Variants in TICAM1 observed in about 807,000 individuals in gnomAD.
TICAM1 encodes TIR domain containing adaptor molecule 1.
For missense variants in TICAM1, 895 were observed against 938.2 expected (o/e 0.95, Z 0.60); for synonymous variants, 439 against 415.4 (o/e 1.06, Z -0.69).
chr19:4,828,012 G>A (rs1348506277), intron 1 of TICAM1, among the ~76,000 whole-genome samples: 2 of 152,110 alleles, frequency 1.3e-5, no homozygotes, highest in African/African-American at 4.8e-5. Context: ...GGGCATAGAT[G>A]ATAAAGTGTG....
At chr19:4,826,225 C>A (rs933376643) in intron 1 of TICAM1, among the ~76,000 whole-genome samples, 2 of 151,538 alleles carry the variant, frequency 1.3e-5, no homozygotes, top group Admixed American at 1.3e-4. Flanking sequence ...TATATTGGAC[C>A]ATGTTGGGTA....
In TICAM1 at chr19:4,818,416, AGGT is replaced by A. The variant is rs749384257; in HGVS notation, c.-42_-40del. 1.4e-5 allele frequency: 22 copies of A among 1,537,520 alleles called. No individual in the cohort carries two copies. Among genetic ancestry groups the A allele is most frequent in the Middle Eastern group, 1.8e-4 (1 of 5,676 alleles). ...TGCAGCCTCCGGCAGCAGAAGCTGG[AGGT>A]GGTGAAGGCATGTTCCACACTGCCC... is the stretch of plus-strand genomic sequence containing the variant. On this transcript the variant is annotated 5_prime_UTR_variant, in exon 2 of 2. Transcript: ENST00000248244. This position sits in a 1 kb window ranked among gnomAD's most constrained non-coding sequence, Gnocchi z 4.0.
Position 4,817,604 on chromosome 19 carries a change from C to A in TICAM1, c.774G>T (p.Ser258=). 2 of 1,601,030 alleles carry A rather than the reference C, an allele frequency of 1.2e-6. No individual in the cohort carries two copies. The highest frequency in any genetic ancestry group is 1.3e-5 in the African/African-American group (1 of 74,806). The part of the protein sequence containing the change: ...QEPEEMSWPP[S]GEIASPPELP... ...GCTCTGGTGGGCTGGCAATCTCCCC[C>A]GATGGCGGCCAGCTCATCTCCTCAG... The change falls in exon 2 of 2, where the codon TCG becomes TCT. Residue 258 remains serine, a synonymous_variant. Transcript: ENST00000248244. The surrounding 1 kb of genome is among the most constrained non-coding windows in gnomAD (Gnocchi z 4.7).
chr19:4,817,174 C>T lies in TICAM1; in HGVS notation c.1204G>A (p.Ala402Thr), dbSNP rs781665133. ...QKFYNFVILHARADEHIALRV... is the reference protein window; with the variant it reads ...QKFYNFVILHTRADEHIALRV... Reference sequence around the variant, plus strand: ...AGGGCGATGTGTTCGTCTGCCCTGGCGTGGAGGATCACAAAGTTATAGAAT... The same window carrying T: ...AGGGCGATGTGTTCGTCTGCCCTGGTGTGGAGGATCACAAAGTTATAGAAT... The change falls in exon 2 of 2, where the codon GCC becomes ACC. Residue 402 changes from alanine to threonine, a missense_variant. Physicochemically the swap from Ala to Thr is moderately conservative, Grantham distance 58. Coordinates refer to ENST00000248244, the MANE Select transcript of TICAM1 (RefSeq NM_182919.4). The surrounding 1 kb of genome is among the most constrained non-coding windows in gnomAD (Gnocchi z 4.7). 3.7e-6 allele frequency: 6 copies of T among 1,613,944 alleles called. No individual in the cohort carries two copies. The highest frequency in any genetic ancestry group is 2.7e-5 in the African/African-American group (2 of 74,886).
intron 1 of TICAM1, among the ~76,000 whole-genome samples, chr19:4,825,137 G>A (rs149456017): frequency 0.013 from 1,918 of 151,732 alleles, 44 homozygotes; most frequent in African/African-American, 0.043. Context: ...AAAATTAGCC[G>A]GGTGTGGCAG....
At chr19:4,824,948 T>C (rs2093603323) in intron 1 of TICAM1, among the ~76,000 whole-genome samples, 1 of 146,860 alleles carries the variant, frequency 6.8e-6, no homozygotes, top group Non-Finnish European at 1.5e-5. Context: ...AAAAATAAAA[T>C]AAAATAACAG....
Position 4,818,475 on chromosome 19 carries a change from C to T in TICAM1, c.-98G>A. ...CTTCTGCACGCCCAGTGTCCCCTAC[C>T]CATTCACTGTTCCAGGTTCTGCAGG... On this transcript the variant is annotated 5_prime_UTR_variant, in exon 2 of 2. Coordinates refer to ENST00000248244, the MANE Select transcript of TICAM1 (RefSeq NM_182919.4). This position sits in a 1 kb window ranked among gnomAD's most constrained non-coding sequence, Gnocchi z 4.0. The T allele has an allele frequency of 6.9e-7, 1 of 1,454,742 alleles. No homozygotes were observed. The allele number at this position is 1,454,742 out of a possible 1,614,324, so 90.1% of individuals were successfully genotyped here. A position where few individuals can be genotyped will look rare whatever the true frequency, so the allele number is the denominator to read the frequency against.
chr19:4,825,078 G>A (rs943654459), intron 1 of TICAM1, among the ~76,000 whole-genome samples: 5 of 152,000 alleles, frequency 3.3e-5, no homozygotes, highest in Non-Finnish European at 2.9e-5. Context: ...TCAGGAGTTC[G>A]AGACCAGCCT....
In TICAM1 at chr19:4,816,148, A is replaced by C. The variant is rs8120; in HGVS notation, c.*91T>G. On this transcript the variant is annotated 3_prime_UTR_variant, in exon 2 of 2. Transcript: ENST00000248244. The surrounding 1 kb of genome is among the most constrained non-coding windows in gnomAD (Gnocchi z 4.3). ...GATGACCTCATCTTCCACTGTCCAC[A>C]GGGCACAGGGCAGACCGGGGTGCTC... 351,024 of 1,388,318 alleles carry C rather than the reference A, an allele frequency of 0.25. 45,987 individuals are homozygous for C. Among genetic ancestry groups the C allele is most frequent in the East Asian group, 0.46 (17,986 of 39,208 alleles). The allele number at this position is 1,388,318 out of a possible 1,614,324, so 86.0% of individuals were successfully genotyped here.
chr19:4,823,762 A>G (rs2093601553), intron 1 of TICAM1, among the ~76,000 whole-genome samples: 1 of 152,192 alleles, frequency 6.6e-6, no homozygotes, highest in African/African-American at 2.4e-5. Flanking sequence ...AGAGGGAACC[A>G]ACCCTACAAC....
At chr19:4,822,081 G>A (rs10402848) in intron 1 of TICAM1, among the ~76,000 whole-genome samples, 103,476 of 149,516 alleles carry the variant, frequency 0.69, 35,957 homozygotes, top group African/African-American at 0.82. Context: ...GATTACAGGC[G>A]TGCGCCACCA....
rs2093585957 is a variant in TICAM1 at position 4,816,661 on chromosome 19, A to G, written c.1717T>C (p.Tyr573His). 1 of 1,614,144 alleles carries G rather than the reference A, an allele frequency of 6.2e-7. No homozygotes were observed. The highest frequency in any genetic ancestry group is 2.2e-5 in the East Asian group (1 of 44,870). ...TGGTAGGACAAGTAGCTCTGGAGGT[A>G]GGCTGAGTAGGCTGCGTTCAGTGCC... The part of the protein sequence containing the change: ...AAALNAAYSA[Y>H]LQSYLSYQAQ... The change falls in exon 2 of 2, where the codon TAC becomes CAC. Residue 573 changes from tyrosine to histidine, a missense_variant. Coordinates refer to ENST00000248244, the MANE Select transcript of TICAM1 (RefSeq NM_182919.4). The surrounding 1 kb of genome is among the most constrained non-coding windows in gnomAD (Gnocchi z 4.3).
chr19:4,821,700 A>C (rs903656592), intron 1 of TICAM1, among the ~76,000 whole-genome samples: 1 of 149,486 alleles, frequency 6.7e-6, no homozygotes, highest in South Asian at 2.1e-4. Context: ...GCTGGAGTGC[A>C]ATGGCACGAT....
intron 1 of TICAM1, among the ~76,000 whole-genome samples, chr19:4,829,441 C>G (rs2093610752): frequency 6.6e-6 from 1 of 151,632 alleles, no homozygotes; most frequent in Non-Finnish European, 1.5e-5. Flanking sequence ...TCTCGAGACC[C>G]AGCAAGTTTC....
At chr19:4,821,533 C>A (rs2093597440) in intron 1 of TICAM1, among the ~76,000 whole-genome samples, 1 of 152,084 alleles carries the variant, frequency 6.6e-6, no homozygotes. Flanking sequence ...TGTTACCCCC[C>A]AGATATCCCT....
At chr19:4,820,401 CA>C (rs2093595329) in intron 1 of TICAM1, among the ~76,000 whole-genome samples, 1 of 142,144 alleles carries the variant, frequency 7.0e-6, no homozygotes, top group African/African-American at 2.6e-5. Flanking sequence ...GCCTGGGCGA[CA>C]GAGTGAGACT....
chr19:4,816,535 G>A lies in TICAM1; in HGVS notation c.1843C>T (p.Leu615=). The A allele has an allele frequency of 6.2e-7, 1 of 1,602,494 alleles. No individual in the cohort carries two copies. Among genetic ancestry groups the A allele is most frequent in the Non-Finnish European group, 8.5e-7 (1 of 1,175,094 alleles). The change falls in exon 2 of 2, where the codon CTG becomes TTG. Residue 615 remains leucine, a synonymous_variant. Coordinates refer to ENST00000248244, the MANE Select transcript of TICAM1 (RefSeq NM_182919.4). The surrounding 1 kb of genome is among the most constrained non-coding windows in gnomAD (Gnocchi z 4.3). ...GTGGGAAAGGGTGGCGGGGCTCCCA[G>A]GGGCACCTGGCCCCCAAAGGGCATT... The part of the protein sequence containing the change: ...ARMPFGGQVP[L]GAPPPFPTWP...
chr19:4,820,870 C>G (rs549008569), intron 1 of TICAM1, among the ~76,000 whole-genome samples: 1 of 149,014 alleles, frequency 6.7e-6, no homozygotes, highest in East Asian at 2.0e-4. Flanking sequence ...GGCAAAAGAA[C>G]AAGACTCCAT....
intron 1 of TICAM1, among the ~76,000 whole-genome samples, chr19:4,819,327 G>A (rs2093593405): frequency 6.6e-6 from 1 of 151,786 alleles, no homozygotes; most frequent in Non-Finnish European, 1.5e-5. Flanking sequence ...TACCTGAGAG[G>A]TAAACACTAT....
Sources: gnomAD v4.1 joint callset for allele counts (sites outside exome capture counted in the v4.1 genomes callset) on GRCh38, gnomAD v4.1.1 for gene constraint, Gnocchi (gnomAD v3.1) non-coding constraint, MANE v1.5 for transcripts, NCBI Gene and HGNC (gene_info 2026-07-23, HGNC 2026-07-21) for gene names.